Variants in EYA4 observed in about 807,000 individuals in gnomAD.
The protein encoded by EYA4 is EYA transcriptional coactivator and phosphatase 4.
Under a neutral mutation model 87.9 loss-of-function variants are expected in EYA4, and 31 were observed. The observed-to-expected ratio is 0.35, with a 90% confidence interval of 0.27 to 0.48. The LOEUF (loss-of-function observed/expected upper bound fraction) is 0.48, where lower values mean the gene tolerates loss of function less well. Among genes scored for constraint, EYA4 ranks in the 20% least tolerant of loss-of-function variants. The probability of loss-of-function intolerance (pLI) is 0.99; values close to 1 mark genes in which losing one functional copy is unlikely to be tolerated. For missense variants in EYA4, 678 were observed against 761.4 expected, an observed-to-expected ratio of 0.89 and a Z score of 1.29; for synonymous variants, 263 against 270.6, an observed-to-expected ratio of 0.97 and a Z score of 0.28.
chr6:133,294,033 A>T (rs1193903561), intron 2 of EYA4, among the ~76,000 whole-genome samples: 3 of 74,160 alleles, frequency 4.0e-5, no homozygotes, highest in African/African-American at 1.2e-4. Flanking sequence ...TTATATATAT[A>T]TATATATATA....
rs1318711712 is a variant in EYA4, at chr6:133,529,957, C to T, written c.*1152C>T. 1.9e-5 allele frequency: 19 copies of T among 985,262 alleles called. No homozygotes were observed. In the South Asian group the frequency reaches 6.6e-4, roughly 34 times the overall value. 61.0% of individuals were successfully genotyped at this position (985,262 alleles called of 1,614,324 possible). A position where few individuals can be genotyped will look rare whatever the true frequency, so the allele number is the denominator to read the frequency against. On this transcript the variant is annotated 3_prime_UTR_variant, in exon 20 of 20. Transcript: ENST00000355286. ...TCACATAAACTTTTTTAGAATGTGC[C>T]ATGAACATGGCATAAAATTCACATT...
intron 3 of EYA4, among the ~76,000 whole-genome samples, chr6:133,391,721 A>G (rs550523326): frequency 6.6e-6 from 1 of 152,232 alleles, no homozygotes; most frequent in African/African-American, 2.4e-5. Flanking sequence ...TGTGGCTTTC[A>G]GGAGCCACCT....
chr6:133,312,345 TTGG>T (rs1201233031), intron 2 of EYA4, among the ~76,000 whole-genome samples: 1 of 151,858 alleles, frequency 6.6e-6, no homozygotes, highest in African/African-American at 2.4e-5. Context: ...GGTTCAAGTC[TTGG>T]TGGTACTTGT....
chr6:133,333,771 A>G (rs1222871989), intron 2 of EYA4, among the ~76,000 whole-genome samples: 1 of 152,156 alleles, frequency 6.6e-6, no homozygotes, highest in African/African-American at 2.4e-5. Context: ...TGATGAATGT[A>G]TAGAAAAGGG....
At chr6:133,380,877 C>G (rs1005356177) in intron 2 of EYA4, among the ~76,000 whole-genome samples, 3 of 143,040 alleles carry the variant, frequency 2.1e-5, no homozygotes, top group African/African-American at 8.5e-5. Flanking sequence ...TCCTCCTCCT[C>G]TTCTTCTTCT....
chr6:133,521,202 C>T lies in EYA4; in HGVS notation c.1617-1854C>T, dbSNP rs796239976. ...AACTGACAAAATGGGAGAAAATTTT[C>T]GCAACCTACTCATCTGACAAAGGGC... On this transcript the variant is annotated intron_variant, in intron 17 of 19. Coordinates refer to ENST00000355286, the MANE Select transcript of EYA4 (RefSeq NM_004100.5). Among the ~76,000 whole-genome samples the T allele has an allele frequency of 1.6e-3, 236 of 151,612 alleles. 3 individuals are homozygous for T. The East Asian group carries it at 0.028, about 18-fold the overall frequency.
At chr6:133,406,429 G>A (rs893703467) in intron 3 of EYA4, among the ~76,000 whole-genome samples, 2 of 152,190 alleles carry the variant, frequency 1.3e-5, no homozygotes, top group East Asian at 3.9e-4. Context: ...TGGTGTAAAC[G>A]GGGGCACACC....
At chr6:133,289,327 A>G (rs1035833811) in intron 2 of EYA4, among the ~76,000 whole-genome samples, 2 of 152,228 alleles carry the variant, frequency 1.3e-5, no homozygotes, top group Non-Finnish European at 1.5e-5. Flanking sequence ...CAGGAAGTAG[A>G]TGGAAGCAGG....
At chr6:133,514,566 G>A (rs1404390697) in intron 16 of EYA4, among the ~76,000 whole-genome samples, 2 of 152,138 alleles carry the variant, frequency 1.3e-5, no homozygotes, top group Non-Finnish European at 2.9e-5. Context: ...AACCATACAA[G>A]TGTGTATGTG....
chr6:133,443,874 A>T (rs395644), intron 3 of EYA4, among the ~76,000 whole-genome samples: 103 of 152,252 alleles, frequency 6.8e-4, no homozygotes, highest in Non-Finnish European at 1.3e-3. Flanking sequence ...TTGTGGTCAG[A>T]TACTATACCC....
At chr6:133,493,648 G>A (rs1797380788) in intron 13 of EYA4, among the ~76,000 whole-genome samples, 1 of 152,138 alleles carries the variant, frequency 6.6e-6, no homozygotes, top group South Asian at 2.1e-4. Context: ...TCAACAAAGT[G>A]AAGAGATAAT....
chr6:133,332,499 T>C (rs1406924298), intron 2 of EYA4, among the ~76,000 whole-genome samples: 1 of 152,158 alleles, frequency 6.6e-6, no homozygotes, highest in African/African-American at 2.4e-5. Flanking sequence ...TGTGATATTA[T>C]TTTGGCAATT....
chr6:133,324,630 A>T (rs113235386), intron 2 of EYA4, among the ~76,000 whole-genome samples: 1 of 152,112 alleles, frequency 6.6e-6, no homozygotes, highest in South Asian at 2.1e-4. Flanking sequence ...GAGAAAGAGG[A>T]TCCTTGTAAA....
Position 133,456,612 on chromosome 6 carries a change from A to G in EYA4, c.334A>G (p.Thr112Ala). The G allele has an allele frequency of 6.2e-7, 1 of 1,613,676 alleles. No homozygotes were observed. Among genetic ancestry groups the G allele is most frequent in the Non-Finnish European group, 8.5e-7 (1 of 1,179,668 alleles). Residue 112 changes from threonine (T) to alanine (A), a missense_variant, in exon 6 of 20, where the codon ACT becomes GCT. Physicochemically the swap from Thr to Ala is moderately conservative, Grantham distance 58 (BLOSUM62 0). Coordinates refer to ENST00000355286, the MANE Select transcript of EYA4 (RefSeq NM_004100.5). Reference sequence around the variant, plus strand: ...GAACAGCAGTGAAACCACAGCCACGACTGGAGATGGAGCGCTTGACACTTT... The same window carrying G: ...GAACAGCAGTGAAACCACAGCCACGGCTGGAGATGGAGCGCTTGACACTTT... ...PLNSSETTATTGDGALDTFTG... is the reference protein window; with the variant it reads ...PLNSSETTATAGDGALDTFTG...
intron 5 of EYA4, among the ~76,000 whole-genome samples, chr6:133,453,440 T>C (rs1372536790): frequency 6.6e-6 from 1 of 152,098 alleles, no homozygotes; most frequent in African/African-American, 2.4e-5. Flanking sequence ...ATCAAGATAA[T>C]ACTTCTTCGT....
intron 3 of EYA4, among the ~76,000 whole-genome samples, chr6:133,404,541 T>C (rs159420): frequency 0.069 from 10,489 of 152,294 alleles, 532 homozygotes; most frequent in Non-Finnish European, 0.11. Context: ...ACACTGTAGA[T>C]TCTTCAGACA....
chr6:133,371,235 T>C (rs899956130), intron 2 of EYA4, among the ~76,000 whole-genome samples: 1 of 152,174 alleles, frequency 6.6e-6, no homozygotes, highest in Admixed American at 6.6e-5. Context: ...TTGCGAGTAC[T>C]GATTTACTGT....
chr6:133,299,943 C>CTATATATATA (rs538719811), intron 2 of EYA4, among the ~76,000 whole-genome samples: 3 of 135,828 alleles, frequency 2.2e-5, no homozygotes, highest in South Asian at 2.3e-4. Context: ...ATCTATCTAT[C>CTATATATATA]TATCTATCTA....
intron 3 of EYA4, among the ~76,000 whole-genome samples, chr6:133,442,577 G>C (rs1003333836): frequency 6.6e-6 from 1 of 152,034 alleles, no homozygotes; most frequent in East Asian, 1.9e-4. Flanking sequence ...GGGGTTTGGG[G>C]TATGAATTTC....
Sources: gnomAD v4.1 joint callset for allele counts (sites outside exome capture counted in the v4.1 genomes callset) on GRCh38, gnomAD v4.1.1 for gene constraint, MANE v1.5 for transcripts, NCBI Gene and HGNC (gene_info 2026-07-23, HGNC 2026-07-21) for gene names.